CNTN5: variants seen among roughly 807,000 people sequenced by gnomAD.
CNTN5 encodes contactin 5, also known as contactin-5.
A neutral mutation model predicts 129.1 loss-of-function variants in CNTN5; 77 were observed. The observed-to-expected ratio is 0.60, with a 90% CI of 0.50 to 0.72. The LOEUF is 0.72. Ranked by LOEUF, CNTN5 falls within the 30% of genes least tolerant of loss-of-function variation. The pLI is 0.00. For synonymous variants in CNTN5, 509 were observed against 465.6 expected, an observed-to-expected ratio of 1.09 and a Z score of -1.20; for missense variants, 1,478 against 1,328.8, an observed-to-expected ratio of 1.11 and a Z score of -1.75.
Position 99,998,568 on chromosome 11 carries a change from T to C in CNTN5, c.878-3466T>C, listed in dbSNP as rs1014958964. On this transcript the variant is annotated intron_variant, in intron 8 of 24. Transcript: ENST00000524871. ...GTAGGAAGAATCAATATCGTGAAAATGGCCATACTGCCCAAGGTAATTTAC... is the reference window on the plus strand; with the variant it reads ...GTAGGAAGAATCAATATCGTGAAAACGGCCATACTGCCCAAGGTAATTTAC... Among the ~76,000 whole-genome samples, 9 of 140,184 alleles carry C rather than the reference T, an allele frequency of 6.4e-5. 1 individual carries two copies. Among genetic ancestry groups the C allele is most frequent in the Non-Finnish European group, 1.4e-4 (9 of 64,722 alleles). The allele number at this position is 140,184 out of a possible 152,430, so 92.0% of individuals were successfully genotyped here.
At chr11:99,778,035 C>A (rs890363921) in intron 3 of CNTN5, among the ~76,000 whole-genome samples, 1 of 151,770 alleles carries the variant, frequency 6.6e-6, no homozygotes, top group Non-Finnish European at 1.5e-5. Flanking sequence ...GGTTATATAA[C>A]CATATATGAC....
intron 1 of CNTN5, among the ~76,000 whole-genome samples, chr11:99,066,580 A>G (rs1320858536): frequency 6.6e-6 from 1 of 152,190 alleles, no homozygotes; most frequent in Non-Finnish European, 1.5e-5. Flanking sequence ...TCTTCAGTAG[A>G]TAAAATCAAT....
intron 3 of CNTN5, among the ~76,000 whole-genome samples, chr11:99,732,193 A>G (rs1158183454): frequency 2.0e-5 from 3 of 152,150 alleles, no homozygotes; most frequent in African/African-American, 7.2e-5. Flanking sequence ...AGCCAAGGAA[A>G]GAAAGGAGAT....
rs71050053 is a variant in CNTN5, at chr11:100,161,830, T to TACACACACACACACAC, written c.1581-29268_1581-29253dup. 3.4e-3 allele frequency among the ~76,000 whole-genome samples: 431 copies of TACACACACACACACAC among 125,866 alleles called. 7 individuals are homozygous for TACACACACACACACAC. Among genetic ancestry groups the TACACACACACACACAC allele is most frequent in the Admixed American group, 0.013 (159 of 12,714 alleles). The allele number at this position is 125,866 out of a possible 152,430, so 82.6% of individuals were successfully genotyped here. On this transcript the variant is annotated intron_variant, in intron 13 of 24. Transcript: ENST00000524871. ...TCTCAAGGATAGCCCTGGAGCTTCCTACACACACACACACACACACACACA... is the reference window on the plus strand; with the variant it reads ...TCTCAAGGATAGCCCTGGAGCTTCCTACACACACACACACACACACACACACACACACACACACACA...
At chr11:99,475,607 T>C (rs1945340088) in intron 2 of CNTN5, among the ~76,000 whole-genome samples, 1 of 152,160 alleles carries the variant, frequency 6.6e-6, no homozygotes, top group African/African-American at 2.4e-5. Flanking sequence ...CTGGAAATAT[T>C]AATAATTTTG....
chr11:100,334,968 T>A (rs1489992844), intron 21 of CNTN5, among the ~76,000 whole-genome samples: 2 of 123,342 alleles, frequency 1.6e-5, no homozygotes, highest in African/African-American at 3.6e-5. Flanking sequence ...AATTTTTTTT[T>A]AAAACTTGAT....
chr11:99,323,947 G>A (rs1166884020), intron 1 of CNTN5, among the ~76,000 whole-genome samples: 1 of 152,110 alleles, frequency 6.6e-6, no homozygotes, highest in Non-Finnish European at 1.5e-5. Flanking sequence ...GAGGGAGGAA[G>A]CAAGGAAGAC....
intron 8 of CNTN5, among the ~76,000 whole-genome samples, chr11:99,964,802 G>A (rs1267432933): frequency 6.6e-6 from 1 of 151,824 alleles, no homozygotes; most frequent in Non-Finnish European, 1.5e-5. Flanking sequence ...ACTTTTTTTT[G>A]GTTGGTAAGC....
At chr11:99,726,593 A>G (rs1049344119) in intron 3 of CNTN5, among the ~76,000 whole-genome samples, 1 of 152,186 alleles carries the variant, frequency 6.6e-6, no homozygotes, top group Non-Finnish European at 1.5e-5. Flanking sequence ...ATTTTTATAT[A>G]TTATCTAATT....
At chr11:99,847,553 A>C (rs1309184990) in intron 6 of CNTN5, among the ~76,000 whole-genome samples, 1 of 152,126 alleles carries the variant, frequency 6.6e-6, no homozygotes, top group Non-Finnish European at 1.5e-5. Flanking sequence ...AAAAACCCAC[A>C]AGGTACCTGG....
At chr11:99,694,605 G>A (rs1341814389) in intron 3 of CNTN5, among the ~76,000 whole-genome samples, 25 of 152,022 alleles carry the variant, frequency 1.6e-4, no homozygotes, top group Non-Finnish European at 4.4e-5. Flanking sequence ...GTGCCATGGT[G>A]GTTTGCTGCA....
chr11:100,170,667 C>A (rs1157483922), intron 13 of CNTN5, among the ~76,000 whole-genome samples: 1 of 151,874 alleles, frequency 6.6e-6, no homozygotes, highest in African/African-American at 2.4e-5. Flanking sequence ...TATATTCTTG[C>A]GTGTCATCCA....
rs1949724679 is a variant in CNTN5, at chr11:100,240,799, A to T, written c.2006-14961A>T. On this transcript the variant is annotated intron_variant, in intron 16 of 24. Coordinates refer to ENST00000524871, the MANE Select transcript of CNTN5 (RefSeq NM_014361.4). ...TGTCAAGGTTGCACCTGTCTTAAAG[A>T]GAATGACTTTATAAATGTGTTGTCC... Among the ~76,000 whole-genome samples the T allele has an allele frequency of 3.3e-5, 5 of 152,220 alleles. No individual in the cohort carries two copies. The South Asian group carries it at 1.0e-3, about 32-fold the overall frequency.
intron 3 of CNTN5, among the ~76,000 whole-genome samples, chr11:99,791,509 T>A (rs2135436573): frequency 6.6e-6 from 1 of 152,210 alleles, no homozygotes; most frequent in South Asian, 2.1e-4. Flanking sequence ...TATGTGTGTG[T>A]ATTTATAACA....
At chr11:99,184,198 C>G (rs911729711) in intron 1 of CNTN5, among the ~76,000 whole-genome samples, 2 of 152,052 alleles carry the variant, frequency 1.3e-5, no homozygotes, top group African/African-American at 4.8e-5. Context: ...TAAAATTTTA[C>G]TTCTTCATTA....
intron 1 of CNTN5, among the ~76,000 whole-genome samples, chr11:99,161,225 T>A (rs1292206383): frequency 6.6e-6 from 1 of 152,178 alleles, no homozygotes; most frequent in Non-Finnish European, 1.5e-5. Flanking sequence ...TCTTGAAATA[T>A]ATAGATAGGA....
intron 7 of CNTN5, among the ~76,000 whole-genome samples, chr11:99,955,568 CT>C (rs77724981): frequency 4.0e-5 from 6 of 150,436 alleles, no homozygotes; most frequent in East Asian, 2.0e-4. Context: ...GTAATTTCCC[CT>C]TTTTTTTTGA....
At position 99,802,042 on chromosome 11, in the gene CNTN5, C is replaced by T. The variant is rs943161338; in HGVS notation, c.56-17502C>T. On this transcript the variant is annotated intron_variant, in intron 3 of 24. Transcript: ENST00000524871. ...AATTTGTGCATTAGGGTTTTCTCTT[C>T]GTTTTCCCACAATATTATTGTTTTG... Among the ~76,000 whole-genome samples the T allele has an allele frequency of 4.6e-5, 7 of 152,114 alleles. No homozygotes were observed. In the South Asian group the frequency reaches 1.0e-3, roughly 23 times the overall value.
At chr11:100,318,064 A>T (rs1372074294) in intron 21 of CNTN5, among the ~76,000 whole-genome samples, 1 of 151,742 alleles carries the variant, frequency 6.6e-6, no homozygotes, top group African/African-American at 2.4e-5. Context: ...ACACAGTGAA[A>T]CCCCGTCTCT....
Sources: allele counts gnomAD v4.1 joint callset (sites outside exome capture counted in the v4.1 genomes callset), GRCh38; gene constraint gnomAD v4.1.1; transcripts MANE v1.5; gene names NCBI Gene and HGNC (gene_info 2026-07-23, HGNC 2026-07-21).